The following ATP8B4 variants were observed in gnomAD, a reference collection of about 807,000 sequenced individuals.
ATP8B4 encodes ATPase phospholipid transporting 8B4 (putative), also known as probable phospholipid-transporting ATPase IM.
ATP8B4 carries 133 observed loss-of-function variants against 145.6 expected under a neutral mutation model. That is an observed-to-expected ratio of 0.91 (90% CI 0.79 to 1.05). ATP8B4 has a LOEUF of 1.05. ATP8B4 is among the 50% of genes least tolerant of loss of function. ATP8B4 has a pLI of 0.00. For synonymous variants in ATP8B4, 507 were observed against 492.9 expected (o/e 1.03, Z -0.38); for missense variants, 1,458 against 1,425.2 (o/e 1.02, Z -0.37).
intron 2 of ATP8B4, among the ~76,000 whole-genome samples, chr15:50,099,159 C>T (rs2056186271): frequency 6.6e-6 from 1 of 152,152 alleles, no homozygotes; most frequent in African/African-American, 2.4e-5. Flanking sequence ...TTAAAGAAGG[C>T]CTCTAATTAT....
At chr15:50,147,276 T>C (rs1177218686) in intron 1 of ATP8B4, among the ~76,000 whole-genome samples, 1 of 151,708 alleles carries the variant, frequency 6.6e-6, no homozygotes, top group Non-Finnish European at 1.5e-5. Flanking sequence ...ATTAGTCGGG[T>C]GTGGTGCTGC....
At chr15:50,027,375 A>ATGGG (rs1288331650) in intron 6 of ATP8B4, among the ~76,000 whole-genome samples, 6 of 149,928 alleles carry the variant, frequency 4.0e-5, no homozygotes, top group Admixed American at 6.6e-5. Flanking sequence ...TATGGGATGG[A>ATGGG]TGGGTGGATG....
chr15:50,058,265 T>C (rs1433623698), intron 3 of ATP8B4, among the ~76,000 whole-genome samples: 1 of 152,192 alleles, frequency 6.6e-6, no homozygotes, highest in Non-Finnish European at 1.5e-5. Flanking sequence ...GGATCTTGTA[T>C]GATCAGAGTG....
intron 3 of ATP8B4, among the ~76,000 whole-genome samples, chr15:50,070,155 TTTATTAA>T (rs2053633724): frequency 6.6e-6 from 1 of 152,200 alleles, no homozygotes. Context: ...TATCACTATC[TTTATTAA>T]TTATTATTAG....
rs951709707 is a variant in ATP8B4 at position 49,898,144 on chromosome 15, T to C, written c.2397A>G (p.Val799=). ...CATTTCTGTACTTCTTCACCAGCTCTACCACTTGGGCTTTCTGGAGTGGAG... is the reference window on the plus strand; with the variant it reads ...CATTTCTGTACTTCTTCACCAGCTCCACCACTTGGGCTTTCTGGAGTGGAG... The part of the protein sequence containing the change: ...RVTPLQKAQV[V]ELVKKYRNAV... Residue 799 remains valine, a synonymous_variant, in exon 22 of 28, where the codon GTA becomes GTG. Transcript: ENST00000284509. 14 of 1,613,856 alleles carry C rather than the reference T, an allele frequency of 8.7e-6. No individual in the cohort carries two copies. The African/African-American group carries it at 1.7e-4, about 20-fold the overall frequency.
intron 15 of ATP8B4, among the ~76,000 whole-genome samples, chr15:49,933,243 A>AT (rs1272513263): frequency 6.6e-6 from 1 of 152,108 alleles, no homozygotes; most frequent in Non-Finnish European, 1.5e-5. Context: ...GAAACAGCAC[A>AT]TGCAATATAT....
chr15:50,029,255 A>AAAAAAAACAAAAAAAAAAAAAAAAAC (rs776952913), intron 6 of ATP8B4, among the ~76,000 whole-genome samples: 1 of 141,164 alleles, frequency 7.1e-6, no homozygotes, highest in African/African-American at 2.6e-5. Context: ...AAAAAAAAAA[A>AAAAAAAACAAAAAAAAAAAAAAAAAC]AACAGAAAAA....
intron 21 of ATP8B4, among the ~76,000 whole-genome samples, chr15:49,900,262 G>C (rs1050650020): frequency 2.6e-5 from 4 of 152,276 alleles, no homozygotes; most frequent in Middle Eastern, 3.4e-3. Flanking sequence ...AGCACTAAGA[G>C]CTAACAACAG....
intron 10 of ATP8B4, among the ~76,000 whole-genome samples, chr15:49,983,678 C>T (rs376677629): frequency 5.9e-5 from 9 of 152,198 alleles, no homozygotes; most frequent in African/African-American, 2.2e-4. Context: ...CACATATACA[C>T]CCCACCTGTT....
rs117115464 is a variant in ATP8B4 at position 50,138,873 on chromosome 15, T to C, written c.-42-31865A>G. Among the ~76,000 whole-genome samples, 204 of 152,336 alleles carry C rather than the reference T, an allele frequency of 1.3e-3. 2 individuals carry two copies. Among genetic ancestry groups the C allele is most frequent in the East Asian group, 0.012 (61 of 5,188 alleles). On this transcript the variant is annotated intron_variant, in intron 1 of 3. Coordinates refer to the ATP8B4 transcript ENST00000558829. ...TTTTATTTCCAAAGTCAAAGTAGCATGATAGGACTTAATTGCCGGTATAGG... is the reference window on the plus strand; with the variant it reads ...TTTTATTTCCAAAGTCAAAGTAGCACGATAGGACTTAATTGCCGGTATAGG...
chr15:50,165,360 C>T (rs763150594), intron 1 of ATP8B4, among the ~76,000 whole-genome samples: 3 of 152,128 alleles, frequency 2.0e-5, no homozygotes, highest in Non-Finnish European at 2.9e-5. Flanking sequence ...GCCCCTCTTC[C>T]GTTAATATGA....
intron 22 of ATP8B4, among the ~76,000 whole-genome samples, chr15:49,897,845 C>A (rs371225886): frequency 2.6e-5 from 4 of 152,110 alleles, no homozygotes; most frequent in African/African-American, 7.2e-5. Flanking sequence ...AGGTGAACGA[C>A]GTCTTTTTCT....
chr15:50,074,464 C>A (rs1259180912), intron 2 of ATP8B4, among the ~76,000 whole-genome samples: 4 of 152,178 alleles, frequency 2.6e-5, no homozygotes, highest in Admixed American at 2.6e-4. Flanking sequence ...ACCACAAAGA[C>A]CCTTTCTCTT....
At chr15:49,899,645 C>G (rs184984159) in intron 21 of ATP8B4, among the ~76,000 whole-genome samples, 1 of 152,064 alleles carries the variant, frequency 6.6e-6, no homozygotes, top group East Asian at 1.9e-4. Context: ...CTCTCTCTCT[C>G]TCTTTTTTAT....
rs112655973 is a variant in ATP8B4 at position 50,173,850 on chromosome 15, C to A, written c.-43+8411G>T. On this transcript the variant is annotated intron_variant, in intron 1 of 3. Transcript: ENST00000558829. ...AAAGGACATAACCAAAAGAAGAAAA[C>A]TATAGGCCGATATCCTGGATGAACA... is the stretch of plus-strand genomic sequence containing the variant. Among the ~76,000 whole-genome samples, 823 of 152,216 alleles carry A rather than the reference C, an allele frequency of 5.4e-3. 8 individuals are homozygous for A. Among genetic ancestry groups the A allele is most frequent in the African/African-American group, 0.019 (774 of 41,532 alleles).
chr15:50,030,790 A>C (rs1482641269), intron 6 of ATP8B4, among the ~76,000 whole-genome samples: 2 of 152,234 alleles, frequency 1.3e-5, no homozygotes, highest in Non-Finnish European at 2.9e-5. Flanking sequence ...CCATGTGCAG[A>C]GTTTTGAAAG....
intron 3 of ATP8B4, among the ~76,000 whole-genome samples, chr15:50,059,618 C>A (rs934980575): frequency 2.0e-5 from 3 of 152,196 alleles, no homozygotes; most frequent in African/African-American, 7.2e-5. Context: ...CTTCATAATC[C>A]TCTTCCCTAG....
intron 6 of ATP8B4, among the ~76,000 whole-genome samples, chr15:50,032,743 T>C (rs1404925648): frequency 6.6e-6 from 1 of 151,994 alleles, no homozygotes; most frequent in Non-Finnish European, 1.5e-5. Flanking sequence ...CATAATGATA[T>C]GATATAAAGT....
At chr15:50,051,034 G>C (rs1294124928) in intron 3 of ATP8B4, among the ~76,000 whole-genome samples, 1 of 152,126 alleles carries the variant, frequency 6.6e-6, no homozygotes, top group Non-Finnish European at 1.5e-5. Flanking sequence ...TGGTTGGGCT[G>C]TGTCCCTACC....
Sources: gnomAD v4.1 joint callset for allele counts (sites outside exome capture counted in the v4.1 genomes callset) on GRCh38, gnomAD v4.1.1 for gene constraint, MANE v1.5 for transcripts, NCBI Gene and HGNC (gene_info 2026-07-23, HGNC 2026-07-21) for gene names.